SOX5: variants seen among roughly 807,000 people sequenced by gnomAD.
The protein encoded by SOX5 is transcription factor SOX-5.
SOX5 carries 9 observed loss-of-function variants against 92.0 expected under a neutral mutation model. The ratio of observed to expected loss-of-function variants is 0.10; its 90% confidence interval spans 0.06 to 0.17. The LOEUF is 0.17. Among genes scored for constraint, SOX5 ranks in the 10% least tolerant of loss-of-function variants. The probability of loss-of-function intolerance (pLI) is 1.00; values close to 1 mark genes in which losing one functional copy is unlikely to be tolerated. For synonymous variants in SOX5, 344 were observed against 336.3 expected, an observed-to-expected ratio of 1.02 and a Z score of -0.25; for missense variants, 642 against 944.5, an observed-to-expected ratio of 0.68 and a Z score of 4.20.
At chr12:24,068,589 T>C (rs1398175463) in intron 4 of SOX5, among the ~76,000 whole-genome samples, 5 of 151,296 alleles carry the variant, frequency 3.3e-5, no homozygotes, top group African/African-American at 1.2e-4. Context: ...ATGGAAGTTA[T>C]TCATTTTTAA....
intron 4 of SOX5, among the ~76,000 whole-genome samples, chr12:24,030,355 C>T (rs971706630): frequency 2.0e-5 from 3 of 151,688 alleles, no homozygotes; most frequent in Admixed American, 1.3e-4. Context: ...GACACGTAGA[C>T]CAATGGGGCA....
chr12:24,095,757 A>T (rs1380901180), intron 4 of SOX5, among the ~76,000 whole-genome samples: 1 of 152,096 alleles, frequency 6.6e-6, no homozygotes. Context: ...TGTTCTTGTG[A>T]TAGTGAGTGA....
chr12:24,116,672 A>G (rs1247825714), intron 4 of SOX5, among the ~76,000 whole-genome samples: 3 of 152,064 alleles, frequency 2.0e-5, no homozygotes, highest in African/African-American at 4.8e-5. Flanking sequence ...TGCATTCCAC[A>G]TTAAGAATTC....
At chr12:24,248,660 C>T (rs1032255983) in intron 3 of SOX5, among the ~76,000 whole-genome samples, 5 of 152,180 alleles carry the variant, frequency 3.3e-5, no homozygotes, top group African/African-American at 7.2e-5. Flanking sequence ...GCTGAGATTA[C>T]GGGTGTAAGT....
At chr12:23,614,467 T>C (rs1344777285) in intron 8 of SOX5, among the ~76,000 whole-genome samples, 4 of 152,210 alleles carry the variant, frequency 2.6e-5, no homozygotes, top group African/African-American at 9.6e-5. Flanking sequence ...ATTTTTGAAC[T>C]CTCTCCAAGG....
intron 6 of SOX5, among the ~76,000 whole-genome samples, chr12:23,689,751 C>A (rs1346757474): frequency 2.0e-5 from 3 of 151,744 alleles, no homozygotes; most frequent in Non-Finnish European, 2.9e-5. Context: ...AGGAAAGATA[C>A]AAGGAGAAAG....
chr12:24,272,638 A>C (rs1376170308), intron 3 of SOX5, among the ~76,000 whole-genome samples: 1 of 152,194 alleles, frequency 6.6e-6, no homozygotes, highest in African/African-American at 2.4e-5. Context: ...TGACTGTTTT[A>C]ATCTGTATTA....
chr12:23,820,065 T>C (rs1228662894), intron 3 of SOX5, among the ~76,000 whole-genome samples: 1 of 152,226 alleles, frequency 6.6e-6, no homozygotes, highest in African/African-American at 2.4e-5. Flanking sequence ...AAAGCGTTCC[T>C]ATTTCTCCAC....
intron 3 of SOX5, among the ~76,000 whole-genome samples, chr12:23,825,998 C>T (rs1034566022): frequency 6.6e-6 from 1 of 151,684 alleles, no homozygotes; most frequent in African/African-American, 2.4e-5. Flanking sequence ...ACAATTTCAA[C>T]TTATCTTGAG....
intron 8 of SOX5, among the ~76,000 whole-genome samples, chr12:23,627,008 T>C (rs937609246): frequency 8.5e-5 from 13 of 152,170 alleles, no homozygotes; most frequent in Non-Finnish European, 4.4e-5. Context: ...TATGGGAGGT[T>C]AGAATGGATC....
chr12:23,802,292 G>A (rs1056859971), intron 3 of SOX5, among the ~76,000 whole-genome samples: 1 of 152,030 alleles, frequency 6.6e-6, no homozygotes, highest in Non-Finnish European at 1.5e-5. Flanking sequence ...TTGTTAGCCA[G>A]GATGGTCTCG....
intron 3 of SOX5, among the ~76,000 whole-genome samples, chr12:24,233,401 C>T (rs1963816386): frequency 6.6e-6 from 1 of 151,966 alleles, no homozygotes; most frequent in Non-Finnish European, 1.5e-5. Context: ...AAGTATGCCA[C>T]AGAAACACAG....
At chr12:24,514,868 G>A (rs1436213055) in intron 1 of SOX5, among the ~76,000 whole-genome samples, 1 of 152,076 alleles carries the variant, frequency 6.6e-6, no homozygotes, top group African/African-American at 2.4e-5. Flanking sequence ...CACGTGGTGG[G>A]GAACAACACA....
chr12:24,054,014 T>C (rs974219375), intron 4 of SOX5, among the ~76,000 whole-genome samples: 4 of 152,184 alleles, frequency 2.6e-5, no homozygotes, highest in African/African-American at 9.6e-5. Flanking sequence ...CTGTGTTCTT[T>C]CCATGGCACT....
At chr12:24,068,702 GTGTATATATATATATATATATA>G (rs1425768878) in intron 4 of SOX5, among the ~76,000 whole-genome samples, 3 of 53,026 alleles carry the variant, frequency 5.7e-5, no homozygotes, top group Non-Finnish European at 1.1e-4. Flanking sequence ...GTGTGTGTGT[GTGTATATATATATATATATATA>G]TATATATATA....
At chr12:23,677,519 T>C (rs2085898054) in intron 6 of SOX5, among the ~76,000 whole-genome samples, 1 of 152,110 alleles carries the variant, frequency 6.6e-6, no homozygotes, top group African/African-American at 2.4e-5. Flanking sequence ...ATACATGAAA[T>C]ATGAAGCTTT....
Position 23,846,993 on chromosome 12 carries a change from C to T in SOX5, c.271-800G>A, listed in dbSNP as rs936252461. On this transcript the variant is annotated intron_variant, in intron 2 of 14. Coordinates refer to ENST00000451604, the MANE Select transcript of SOX5 (RefSeq NM_006940.6). ...TTGTATGGTTCTAAAATGTAAATAT[C>T]TTTTTATAGTCTATTGTCATTTTCT... Among the ~76,000 whole-genome samples the T allele has an allele frequency of 2.6e-5, 4 of 151,996 alleles. 1 individual carries two copies. The highest frequency in any genetic ancestry group is 9.7e-5 in the African/African-American group (4 of 41,402).
Position 23,982,665 on chromosome 12 carries a change from C to T in SOX5, c.-1-86641G>A, listed in dbSNP as rs185991573. ...TAGAATTGTCCAGTAGAAATAGATA[C>T]ACAAATCACATATATATTATGTTTG... On this transcript the variant is annotated intron_variant, in intron 4 of 4. Coordinates refer to the SOX5 transcript ENST00000446891. 1.4e-3 allele frequency among the ~76,000 whole-genome samples: 208 copies of T among 151,742 alleles called. 1 individual carries two copies. Among genetic ancestry groups the T allele is most frequent in the African/African-American group, 4.4e-3 (184 of 41,356 alleles).
chr12:23,845,932 G>A (rs748586491), intron 3 of SOX5, 51 bp downstream of exon 3: 3 of 1,369,764 alleles, frequency 2.2e-6, no homozygotes, highest in South Asian at 2.3e-5. Flanking sequence ...TAAAATCAAA[G>A]TATTAAAATC....
Sources: allele counts gnomAD v4.1 joint callset (sites outside exome capture counted in the v4.1 genomes callset), GRCh38; gene constraint gnomAD v4.1.1; transcripts MANE v1.5; gene names NCBI Gene and HGNC (gene_info 2026-07-23, HGNC 2026-07-21).